The following MYH1 variants were observed in gnomAD, a reference collection of about 807,000 sequenced individuals.
The protein encoded by MYH1 is myosin-1.
Under a neutral mutation model 225.6 loss-of-function variants are expected in MYH1, and 214 were observed. The observed-to-expected ratio is 0.95, with a 90% CI of 0.85 to 1.06. The LOEUF is 1.06. Ranked by LOEUF, MYH1 falls within the 50% of genes least tolerant of loss-of-function variation. The probability of loss-of-function intolerance (pLI) is 0.00; values close to 1 mark genes in which losing one functional copy is unlikely to be tolerated. For missense variants in MYH1, 2,098 were observed against 2,344.2 expected, an observed-to-expected ratio of 0.89 and a Z score of 2.17; for synonymous variants, 774 against 842.3, an observed-to-expected ratio of 0.92 and a Z score of 1.40.
At position 10,508,684 on chromosome 17, in the gene MYH1, A is replaced by G; in HGVS notation, c.1588-12T>C. On this transcript the variant is annotated splice_polypyrimidine_tract_variant and intron_variant, in intron 15 of 39. Coordinates refer to ENST00000226207, the MANE Select transcript of MYH1 (RefSeq NM_005963.4). ...AAGATGCCCATAGGCTGGAAGAATG[A>G]AAAGAAATAAATGCCACTTGAATTC... The G allele has an allele frequency of 6.2e-7, 1 of 1,612,638 alleles. No individual in the cohort carries two copies. Among genetic ancestry groups the G allele is most frequent in the South Asian group, 1.1e-5 (1 of 90,872 alleles).
chr17:10,505,702 A>T, intron 19 of MYH1, 110 bp downstream of exon 19: 2 of 1,463,826 alleles, frequency 1.4e-6, no homozygotes, highest in South Asian at 2.6e-5. Context: ...TTGTTAAGTG[A>T]GTTTATCTTC....
chr17:10,506,066 T>G lies in MYH1; in HGVS notation c.2002A>C (p.Ser668Arg). 6.2e-7 allele frequency: 1 copy of G among 1,614,218 alleles called. No homozygotes were observed. Among genetic ancestry groups the G allele is most frequent in the Non-Finnish European group, 8.5e-7 (1 of 1,180,030 alleles). The change falls in exon 18 of 40, where the codon AGC (serine) becomes CGC (arginine). Residue 668 changes from serine (S) to arginine (R), a missense_variant. By Grantham distance (110) the Ser-to-Arg change is moderately radical. Transcript: ENST00000226207. The part of the protein sequence containing the change: ...NLNKLMTNLR[S>R]THPHFVRCII... Reference sequence around the variant, plus strand: ...CACCGCACAAAGTGGGGGTGAGTGCTCCTCAAGTTGGTCATCAGCTTATTC... The same window carrying G: ...CACCGCACAAAGTGGGGGTGAGTGCGCCTCAAGTTGGTCATCAGCTTATTC...
At chr17:10,504,576 A>G (rs1033582118) in intron 22 of MYH1, among the ~76,000 whole-genome samples, 2 of 152,240 alleles carry the variant, frequency 1.3e-5, no homozygotes, top group African/African-American at 4.8e-5. Context: ...GCTGTAGAAA[A>G]CAACAGAGGG....
intron 35 of MYH1, among the ~76,000 whole-genome samples, chr17:10,495,622 G>A (rs948135134): frequency 5.9e-5 from 9 of 151,746 alleles, no homozygotes; most frequent in African/African-American, 1.9e-4. Flanking sequence ...TTAGCCGGGC[G>A]TGGTGGCGGG....
Position 10,505,259 on chromosome 17 carries a change from A to G in MYH1, c.2339T>C (p.Met780Thr). 1 of 1,614,212 alleles carries G rather than the reference A, an allele frequency of 6.2e-7. No homozygotes were observed. Among genetic ancestry groups the G allele is most frequent in the Non-Finnish European group, 8.5e-7 (1 of 1,180,040 alleles). The change falls in exon 21 of 40, where the codon ATG (methionine) becomes ACG (threonine). Residue 780 changes from methionine (M) to threonine (T), a missense_variant. By Grantham distance (81) the Met-to-Thr change is moderately conservative (BLOSUM62 -1). Coordinates refer to ENST00000226207, the MANE Select transcript of MYH1 (RefSeq NM_005963.4). ...KAGLLGLLEE[M>T]RDEKLAQLIT... ...CAGCTGGGCCAGCTTCTCATCTCGC[A>G]TCTCCTCTAGGAGCCCCAGAAGACC...
At position 10,505,911 on chromosome 17, in the gene MYH1, A is replaced by G. The variant is rs766168023; in HGVS notation, c.2075T>C (p.Leu692Pro). 4.3e-6 allele frequency: 7 copies of G among 1,614,176 alleles called. No homozygotes were observed. In the Admixed American group the frequency reaches 1.0e-4, roughly 23 times the overall value. Reference sequence around the variant, plus strand: ...GTTACACCTCAGCTGATGCAGGACAAGCTCATGCTCCATGGCACCTAAAAG... The same window carrying G: ...GTTACACCTCAGCTGATGCAGGACAGGCTCATGCTCCATGGCACCTAAAAG... ...TKTPGAMEHE[L>P]VLHQLRCNGV... Residue 692 changes from leucine to proline, a missense_variant, in exon 19 of 40, where the codon CTT becomes CCT. Physicochemically the swap from Leu to Pro is moderately conservative, Grantham distance 98. Coordinates refer to ENST00000226207, the MANE Select transcript of MYH1 (RefSeq NM_005963.4).
intron 22 of MYH1, 108 bp downstream of exon 22, chr17:10,504,702 A>T: frequency 7.8e-7 from 1 of 1,282,098 alleles, no homozygotes; most frequent in Non-Finnish European, 1.1e-6. Flanking sequence ...GTGGATTATT[A>T]AAGATTCATA....
At chr17:10,492,969 C>T (rs1339363241) in intron 39 of MYH1, among the ~76,000 whole-genome samples, 1 of 151,926 alleles carries the variant, frequency 6.6e-6, no homozygotes, top group African/African-American at 2.4e-5. Flanking sequence ...AAGTTATTGC[C>T]ATGTGAGTAT....
intron 15 of MYH1, 131 bp downstream of exon 15, chr17:10,509,354 G>A: frequency 7.0e-7 from 1 of 1,430,110 alleles, no homozygotes; most frequent in Non-Finnish European, 9.5e-7. Context: ...TTCAGAGTTG[G>A]CAAAATAAGG....
intron 17 of MYH1, among the ~76,000 whole-genome samples, chr17:10,507,146 C>T (rs1383406452): frequency 2.0e-5 from 3 of 152,104 alleles, no homozygotes; most frequent in African/African-American, 7.2e-5. Context: ...TCATGGCAAC[C>T]TCTGCCTCCT....
At chr17:10,514,654 G>A in intron 6 of MYH1, among the ~76,000 whole-genome samples, 1 of 152,144 alleles carries the variant, frequency 6.6e-6, no homozygotes, top group East Asian at 1.9e-4. Context: ...AAAAAGTTCT[G>A]TGGAACTTTC....
rs752307837 is a variant in MYH1 at position 10,513,680 on chromosome 17, T to C, written c.751A>G (p.Ile251Val). Residue 251 changes from isoleucine to valine, a missense_variant, in exon 9 of 40, where the codon ATC becomes GTC. Transcript: ENST00000226207. ...NDNSSRFGKF[I>V]RIHFGTTGKL... is the part of the protein sequence containing the mutation. ...CCTGTGGTACCGAAGTGGATCCTGA[T>C]GAATTTACCCTTGTAAGTAAAAAAA... is the stretch of plus-strand genomic sequence containing the variant. 9.9e-6 allele frequency: 16 copies of C among 1,614,134 alleles called. No individual in the cohort carries two copies. The South Asian group carries it at 1.6e-4, about 17-fold the overall frequency.
intron 39 of MYH1, among the ~76,000 whole-genome samples, chr17:10,492,929 A>G (rs962502156): frequency 6.6e-6 from 1 of 151,984 alleles, no homozygotes; most frequent in Non-Finnish European, 1.5e-5. Flanking sequence ...TATGCAATCT[A>G]TACCAAACCA....
chr17:10,515,274 A>T (rs1024578352), intron 5 of MYH1, among the ~76,000 whole-genome samples: 6 of 152,220 alleles, frequency 3.9e-5, no homozygotes, highest in Non-Finnish European at 8.8e-5. Context: ...TTACTATCTT[A>T]TGGCCACAGA....
At position 10,497,839 on chromosome 17, in the gene MYH1, C is replaced by CT; in HGVS notation, c.4259dup (p.Thr1421AspfsTer8). The CT allele has an allele frequency of 6.2e-7, 1 of 1,614,114 alleles. No homozygotes were observed. The highest frequency in any genetic ancestry group is 8.5e-7 in the Non-Finnish European group (1 of 1,179,996). On this transcript the variant is annotated frameshift_variant, in exon 31 of 40. Transcript: ENST00000226207. LOFTEE classifies it high-confidence loss of function. ...CTTCATTCTGGAGCCTCTGCTTCGT[C>CT]TTCTCAAGGGAAGCACATTTGGCAT...
At chr17:10,509,756 T>C (rs1214801452) in intron 14 of MYH1, 101 bp from the exon 15 acceptor site, 2 of 1,594,446 alleles carry the variant, frequency 1.3e-6, no homozygotes, top group Non-Finnish European at 8.6e-7. Flanking sequence ...CTTAGGATGG[T>C]ATCGTTTTGT....
Position 10,516,681 on chromosome 17 carries a change from G to T in MYH1, c.-39C>A. 6.2e-7 allele frequency: 1 copy of T among 1,605,478 alleles called. No individual in the cohort carries two copies. Among genetic ancestry groups the T allele is most frequent in the South Asian group, 1.1e-5 (1 of 90,528 alleles). On this transcript the variant is annotated splice_region_variant and 5_prime_UTR_variant, in exon 3 of 40. Transcript: ENST00000226207. ...TGATGGTAGCCCAGTTAAGGACCCT[G>T]GCTGGGAGAGGAAGAAAAGAAATTG...
intron 37 of MYH1, 110 bp downstream of exon 37, chr17:10,494,821 A>T (rs1317792457): frequency 1.3e-6 from 2 of 1,594,502 alleles, no homozygotes; most frequent in African/African-American, 2.7e-5. Context: ...GCATGAGGGA[A>T]TAGCTCTCCC....
At position 10,514,737 on chromosome 17, in the gene MYH1, C is replaced by T. The variant is rs943593601; in HGVS notation, c.533+131G>A. ...ATGCAATGTAAACCTTATAATAAAG[C>T]TAAACCAATATCTAGTTCCAGGTTG... On this transcript the variant is annotated intron_variant, in intron 6 of 39. Transcript: ENST00000226207. 20 of 810,884 alleles carry T rather than the reference C, an allele frequency of 2.5e-5. No individual in the cohort carries two copies. The African/African-American group carries it at 3.3e-4, about 13-fold the overall frequency. 50.2% of individuals were successfully genotyped at this position (810,884 alleles called of 1,614,324 possible).
Sources: allele counts gnomAD v4.1 joint callset (sites outside exome capture counted in the v4.1 genomes callset), GRCh38; gene constraint gnomAD v4.1.1; transcripts MANE v1.5; gene names NCBI Gene and HGNC (gene_info 2026-07-23, HGNC 2026-07-21).